MGRN1: variants seen among roughly 807,000 people sequenced by gnomAD.
MGRN1 encodes the protein E3 ubiquitin-protein ligase MGRN1.
In MGRN1, 29 loss-of-function variants were observed where a neutral mutation model predicts 69.2. The ratio of observed to expected loss-of-function variants is 0.42; its 90% CI spans 0.31 to 0.57. The LOEUF (loss-of-function observed/expected upper bound fraction) is 0.57. Among genes scored for constraint, MGRN1 ranks in the 20% least tolerant of loss-of-function variants. The probability of loss-of-function intolerance (pLI) is 0.15; values close to 1 mark genes in which losing one functional copy is unlikely to be tolerated. For synonymous variants in MGRN1, 470 were observed against 344.2 expected (o/e 1.37, Z -4.04); for missense variants, 998 against 796.2 (o/e 1.25, Z -3.05).
intron 8 of MGRN1, among the ~76,000 whole-genome samples, chr16:4,668,860 TCA>T (rs536615363): frequency 2.7e-4 from 41 of 151,448 alleles, no homozygotes; most frequent in Non-Finnish European, 5.3e-4. Context: ...ACACATAAAC[TCA>T]CATGTATACT....
At chr16:4,687,597 A>G in intron 16 of MGRN1, 1 of 984,814 alleles carries the variant, frequency 1.0e-6, no homozygotes, top group Non-Finnish European at 1.2e-6. Context: ...ACACACACAC[A>G]CACACACACA....
At position 4,683,287 on chromosome 16, in the gene MGRN1, T is replaced by C. The variant is rs201334591; in HGVS notation, c.1528+18T>C. On this transcript the variant is annotated intron_variant, in intron 15 of 16. Coordinates refer to ENST00000262370, the MANE Select transcript of MGRN1 (RefSeq NM_015246.4). The stretch of plus-strand genomic sequence containing the variant: ...ACAGCAAGGTGAGCGCCTCCTTCCA[T>C]GGGCACAAACCGCATGCAGGGACCA... 2.5e-6 allele frequency: 4 copies of C among 1,613,466 alleles called. No homozygotes were observed. Among genetic ancestry groups the C allele is most frequent in the Non-Finnish European group, 3.4e-6 (4 of 1,179,860 alleles).
chr16:4,657,125 A>C, intron 4 of MGRN1, 121 bp from the exon 5 acceptor site: 1 of 934,106 alleles, frequency 1.1e-6, no homozygotes, highest in Non-Finnish European at 1.7e-6. Context: ...GCTGTTCCCC[A>C]TGAGAGAGGG....
chr16:4,670,382 A>G (rs1018135614), intron 8 of MGRN1, among the ~76,000 whole-genome samples: 3 of 152,180 alleles, frequency 2.0e-5, no homozygotes, highest in Admixed American at 1.3e-4. Context: ...AGCTGGGACT[A>G]CAGGCACGCG....
chr16:4,650,335 A>G (rs77006773), intron 1 of MGRN1, 30 bp from the exon 2 acceptor site: 3 of 1,503,600 alleles, frequency 2.0e-6, no homozygotes, highest in African/African-American at 1.4e-5. Flanking sequence ...AAAAAAAAAA[A>G]TCTATAATCG....
At chr16:4,664,678 T>G (rs1292484171) in intron 5 of MGRN1, 31 bp from the exon 6 acceptor site, 1 of 1,613,306 alleles carries the variant, frequency 6.2e-7, no homozygotes, top group Non-Finnish European at 8.5e-7. Flanking sequence ...GCTGTGTGGG[T>G]CCTGACCATT....
chr16:4,668,853 C>T (rs1254519730), intron 8 of MGRN1, among the ~76,000 whole-genome samples: 1 of 152,108 alleles, frequency 6.6e-6, no homozygotes, highest in African/African-American at 2.4e-5. Flanking sequence ...TACTCACACA[C>T]ATAAACTCAC....
chr16:4,668,853 C>G (rs1254519730), intron 8 of MGRN1, among the ~76,000 whole-genome samples: 2 of 152,108 alleles, frequency 1.3e-5, no homozygotes, highest in African/African-American at 2.4e-5. Context: ...TACTCACACA[C>G]ATAAACTCAC....
intron 13 of MGRN1, 33 bp from the exon 14 acceptor site, chr16:4,682,790 C>G: frequency 2.7e-6 from 4 of 1,506,310 alleles, no homozygotes; most frequent in Non-Finnish European, 3.6e-6. Flanking sequence ...TCGTTATCCT[C>G]TCACCCCTGC....
At position 4,681,741 on chromosome 16, in the gene MGRN1, C is replaced by T. The variant is rs2079186916; in HGVS notation, c.1323C>T (p.Arg441=). Residue 441 remains arginine (R), a synonymous_variant, in exon 13 of 17, where the codon CGC becomes CGT. Transcript: ENST00000262370. ...AAIDHILDSS[R]QKGRPQSKAP... ...TCGACCACATCCTGGACAGCAGCCG[C>T]CAGAAGGGCAGGCCGCAGAGCAAGG... 6.2e-7 allele frequency: 1 copy of T among 1,612,822 alleles called. No individual in the cohort carries two copies. The highest frequency in any genetic ancestry group is 8.5e-7 in the Non-Finnish European group (1 of 1,179,802).
At position 4,662,243 on chromosome 16, in the gene MGRN1, G is replaced by A. The variant is rs140099490; in HGVS notation, c.562-2466G>A. Among the ~76,000 whole-genome samples, 11 of 152,196 alleles carry A rather than the reference G, an allele frequency of 7.2e-5. No homozygotes were observed. The East Asian group carries it at 7.7e-4, about 11-fold the overall frequency. On this transcript the variant is annotated intron_variant, in intron 5 of 16. Coordinates refer to ENST00000262370, the MANE Select transcript of MGRN1 (RefSeq NM_015246.4). ...ATAATAGTAATATTTGGCCGGGCGC[G>A]GTGGCTGACACCTGTAATCCCAGCA...
rs375501611 is a variant in MGRN1 at position 4,667,681 on chromosome 16, A to C, written c.679-584A>C. ...AGAAGGGATAATGAGTGTTGTTGCGAGGTCTCCGATCTCAAGCCGTAATTA... is the reference window on the plus strand; with the variant it reads ...AGAAGGGATAATGAGTGTTGTTGCGCGGTCTCCGATCTCAAGCCGTAATTA... On this transcript the variant is annotated intron_variant, in intron 7 of 16. Transcript: ENST00000262370. Among the ~76,000 whole-genome samples, 29 of 152,318 alleles carry C rather than the reference A, an allele frequency of 1.9e-4. No homozygotes were observed. In the Middle Eastern group the frequency reaches 0.01, roughly 54 times the overall value.
intron 16 of MGRN1, among the ~76,000 whole-genome samples, chr16:4,685,029 G>A (rs1439994086): frequency 6.6e-6 from 1 of 152,262 alleles, no homozygotes; most frequent in Non-Finnish European, 1.5e-5. Flanking sequence ...TGGGCTGGGC[G>A]TGACAGGTCG....
At chr16:4,630,368 C>A (rs551498489) in intron 1 of MGRN1, among the ~76,000 whole-genome samples, 5 of 145,552 alleles carry the variant, frequency 3.4e-5, no homozygotes, top group East Asian at 2.0e-4. Flanking sequence ...AAAAAAAAAA[C>A]AAATAGAAAG....
intron 1 of MGRN1, chr16:4,649,686 G>C (rs1004347340): frequency 6.6e-6 from 1 of 152,516 alleles, no homozygotes; most frequent in Admixed American, 6.5e-5. Flanking sequence ...CACATGCACA[G>C]GTAGGGGCTG....
rs2079078355 is a variant in MGRN1 at position 4,677,453 on chromosome 16, T to C, written c.956-10T>C. 1.3e-6 allele frequency: 2 copies of C among 1,541,412 alleles called. No homozygotes were observed. Among genetic ancestry groups the C allele is most frequent in the South Asian group, 1.2e-5 (1 of 84,180 alleles). ...GCCTGGGCCTGATCTGAGCCCTCCTTCTGCCGCAGCTTTCCGGGCCCTCCT... is the reference window on the plus strand; with the variant it reads ...GCCTGGGCCTGATCTGAGCCCTCCTCCTGCCGCAGCTTTCCGGGCCCTCCT... On this transcript the variant is annotated splice_polypyrimidine_tract_variant and intron_variant, in intron 10 of 16. Coordinates refer to ENST00000262370, the MANE Select transcript of MGRN1 (RefSeq NM_015246.4).
At chr16:4,639,710 C>T (rs929338087) in intron 1 of MGRN1, 1 of 152,246 alleles carries the variant, frequency 6.6e-6, no homozygotes, top group African/African-American at 2.4e-5. Flanking sequence ...CTGAGCCCGG[C>T]CTCTTTCTCT....
At chr16:4,656,034 C>T (rs1472423985) in intron 4 of MGRN1, among the ~76,000 whole-genome samples, 2 of 152,228 alleles carry the variant, frequency 1.3e-5, no homozygotes, top group Non-Finnish European at 2.9e-5. Context: ...GTGGCCCCCC[C>T]ACGCCCCATC....
intron 8 of MGRN1, chr16:4,669,333 A>T (rs1191171566): frequency 1.3e-5 from 2 of 151,628 alleles, no homozygotes; most frequent in Non-Finnish European, 2.9e-5. Flanking sequence ...ACTCAGGAGG[A>T]TGAGGTAGGA....
Sources: allele counts gnomAD v4.1 joint callset (sites outside exome capture counted in the v4.1 genomes callset), GRCh38; gene constraint gnomAD v4.1.1; transcripts MANE v1.5; gene names NCBI Gene and HGNC (gene_info 2026-07-23, HGNC 2026-07-21).